Variants in GNG4 observed in about 807,000 individuals in gnomAD.
The protein encoded by GNG4 is guanine nucleotide-binding protein G(I)/G(S)/G(O) subunit gamma-4.
GNG4 carries 4 observed loss-of-function variants against 5.8 expected under a neutral mutation model. The observed-to-expected ratio is 0.69, with a 90% CI of 0.34 to 1.57. The LOEUF (loss-of-function observed/expected upper bound fraction) is 1.57, where lower values mean the gene tolerates loss of function less well. GNG4 is among the 40% of genes most tolerant of loss of function. The pLI is 0.06. For missense variants in GNG4, 96 were observed against 95.1 expected, an observed-to-expected ratio of 1.01 and a Z score of -0.04; for synonymous variants, 29 against 32.9, an observed-to-expected ratio of 0.88 and a Z score of 0.41.
At chr1:235,586,202 A>G (rs1687755347) in intron 2 of GNG4, among the ~76,000 whole-genome samples, 1 of 152,354 alleles carries the variant, frequency 6.6e-6, no homozygotes. Flanking sequence ...CAACAAGGGA[A>G]GGAGAATCAC....
At chr1:235,598,467 G>T (rs1289581622) in intron 1 of GNG4, among the ~76,000 whole-genome samples, 1 of 151,990 alleles carries the variant, frequency 6.6e-6, no homozygotes, top group African/African-American at 2.4e-5. Flanking sequence ...AAATTATCTG[G>T]GTGTGGTGGC....
intron 2 of GNG4, among the ~76,000 whole-genome samples, chr1:235,586,298 G>C (rs906366903): frequency 1.3e-5 from 2 of 151,576 alleles, no homozygotes; most frequent in African/African-American, 4.9e-5. Flanking sequence ...CACATGTGTT[G>C]GTGTGTCCTT....
intron 2 of GNG4, among the ~76,000 whole-genome samples, chr1:235,592,016 T>G (rs1313785284): frequency 6.6e-6 from 1 of 152,202 alleles, no homozygotes. Flanking sequence ...AAGGTAATAG[T>G]AGCTTAAAAC....
chr1:235,636,436 A>G (rs2102985932), intron 1 of GNG4, among the ~76,000 whole-genome samples: 1 of 152,270 alleles, frequency 6.6e-6, no homozygotes, highest in Admixed American at 6.5e-5. Context: ...AGCCCCGTGT[A>G]GAGGAGAGCA....
chr1:235,621,975 C>A (rs1688721647), intron 1 of GNG4, among the ~76,000 whole-genome samples: 1 of 152,136 alleles, frequency 6.6e-6, no homozygotes, highest in South Asian at 2.1e-4. Flanking sequence ...CCGCACCTGG[C>A]CTCCAGCACA....
At chr1:235,607,574 CTG>C (rs1688389658) in intron 1 of GNG4, among the ~76,000 whole-genome samples, 1 of 152,256 alleles carries the variant, frequency 6.6e-6, no homozygotes, top group African/African-American at 2.4e-5. Flanking sequence ...TTCACAGACT[CTG>C]TAGTAGAAAA....
chr1:235,636,117 T>A (rs1183937870), intron 1 of GNG4, among the ~76,000 whole-genome samples: 1 of 152,110 alleles, frequency 6.6e-6, no homozygotes. Flanking sequence ...ACTGGCTCTC[T>A]CTCTGTAGAG....
intron 3 of GNG4, among the ~76,000 whole-genome samples, chr1:235,580,415 G>T (rs1343952331): frequency 6.6e-6 from 1 of 152,186 alleles, no homozygotes; most frequent in Non-Finnish European, 1.5e-5. Context: ...ATGATAAATT[G>T]TATGTTATAT....
intron 3 of GNG4, among the ~76,000 whole-genome samples, chr1:235,581,449 A>T (rs529885594): frequency 6.6e-6 from 1 of 151,972 alleles, no homozygotes; most frequent in South Asian, 2.1e-4. Flanking sequence ...GAATGGCGTG[A>T]ACCCGGGAGG....
intron 3 of GNG4, among the ~76,000 whole-genome samples, chr1:235,582,935 AG>A (rs1687672993): frequency 6.6e-6 from 1 of 152,082 alleles, no homozygotes; most frequent in Non-Finnish European, 1.5e-5. Context: ...GCATGAGGGG[AG>A]GGGTCAGGGA....
At chr1:235,638,020 G>A (rs148926310) in intron 1 of GNG4, among the ~76,000 whole-genome samples, 2 of 152,250 alleles carry the variant, frequency 1.3e-5, no homozygotes, top group Non-Finnish European at 2.9e-5. Flanking sequence ...AGAGCTTCCC[G>A]GACCCTGGCT....
chr1:235,604,960 C>A (rs182302305), intron 1 of GNG4, among the ~76,000 whole-genome samples: 128 of 152,218 alleles, frequency 8.4e-4, no homozygotes, highest in Non-Finnish European at 1.0e-3. Context: ...GTGATGGGAG[C>A]ATGAACTGAG....
chr1:235,602,989 C>T (rs1460094623), intron 1 of GNG4, among the ~76,000 whole-genome samples: 1 of 152,144 alleles, frequency 6.6e-6, no homozygotes, highest in East Asian at 1.9e-4. Flanking sequence ...TTGCTCACAC[C>T]TGTAATCCCA....
intron 3 of GNG4, among the ~76,000 whole-genome samples, chr1:235,578,228 A>G (rs1687533918): frequency 6.6e-6 from 1 of 152,188 alleles, no homozygotes; most frequent in South Asian, 2.1e-4. Context: ...CTACAGCAAG[A>G]TATCACATCA....
chr1:235,601,328 GCT>G (rs1409058126), intron 1 of GNG4, among the ~76,000 whole-genome samples: 5 of 152,146 alleles, frequency 3.3e-5, no homozygotes, highest in Non-Finnish European at 7.4e-5. Context: ...TGAGGTCTCT[GCT>G]CTCACAGAGC....
At chr1:235,571,520 G>A (rs1479776584) in intron 3 of GNG4, among the ~76,000 whole-genome samples, 4 of 152,158 alleles carry the variant, frequency 2.6e-5, no homozygotes, top group Admixed American at 1.3e-4. Flanking sequence ...CATTTGCATG[G>A]CATAATGAAT....
intron 3 of GNG4, among the ~76,000 whole-genome samples, chr1:235,564,823 C>G (rs1393552065): frequency 6.6e-6 from 1 of 152,082 alleles, no homozygotes; most frequent in Non-Finnish European, 1.5e-5. Flanking sequence ...GTAGCTGGGA[C>G]CACAGGCGTG....
At position 235,596,209 on chromosome 1, in the gene GNG4, T is replaced by C. The variant is rs58186840; in HGVS notation, c.-122-698A>G. 7.5e-5 allele frequency among the ~76,000 whole-genome samples: 10 copies of C among 133,564 alleles called. No homozygotes were observed. In the South Asian group the frequency reaches 8.0e-4, roughly 11 times the overall value. The allele number at this position is 133,564 out of a possible 152,430, so 87.6% of individuals were successfully genotyped here. A position where few individuals can be genotyped will look rare whatever the true frequency, so the allele number is the denominator to read the frequency against. ...ACAAAACAAAAACAAACAAACAAAA[T>C]ACACACACACACACACACACACACA... On this transcript the variant is annotated intron_variant, in intron 1 of 3. Coordinates refer to ENST00000391854, the MANE Select transcript of GNG4 (RefSeq NM_001098722.2).
At chr1:235,557,735 G>C (rs957507492) in intron 3 of GNG4, among the ~76,000 whole-genome samples, 4 of 152,108 alleles carry the variant, frequency 2.6e-5, no homozygotes, top group Non-Finnish European at 5.9e-5. Context: ...AGTACATCCT[G>C]TACATCATGA....
Sources: allele counts gnomAD v4.1 joint callset (sites outside exome capture counted in the v4.1 genomes callset), GRCh38; gene constraint gnomAD v4.1.1; transcripts MANE v1.5; gene names NCBI Gene and HGNC (gene_info 2026-07-23, HGNC 2026-07-21).